Variants in RPGRIP1 observed in about 807,000 individuals in gnomAD.
The protein encoded by RPGRIP1 is RPGR interacting protein 1.
A neutral mutation model predicts 157.9 loss-of-function variants in RPGRIP1; 128 were observed. That is an observed-to-expected ratio of 0.81 (90% CI 0.70 to 0.94). The LOEUF is 0.94. RPGRIP1 is among the 40% of genes least tolerant of loss of function. The probability of loss-of-function intolerance (pLI) is 0.00; values close to 1 mark genes in which losing one functional copy is unlikely to be tolerated. For missense variants in RPGRIP1, 1,486 were observed against 1,545.8 expected, an observed-to-expected ratio of 0.96 and a Z score of 0.65; for synonymous variants, 554 against 571.6, an observed-to-expected ratio of 0.97 and a Z score of 0.44.
chr14:21,283,402 A>C (rs1880199911), intron 1 of RPGRIP1, among the ~76,000 whole-genome samples: 1 of 151,684 alleles, frequency 6.6e-6, no homozygotes, highest in African/African-American at 2.4e-5. Flanking sequence ...TCCTGTGCTC[A>C]AGCGATTCTC....
intron 15 of RPGRIP1, 31 bp downstream of exon 15, chr14:21,325,101 A>G: frequency 2.5e-6 from 4 of 1,576,138 alleles, no homozygotes; most frequent in Non-Finnish European, 3.5e-6. Context: ...GCGGCTCCTA[A>G]GCACCAATGC....
intron 13 of RPGRIP1, 92 bp from the exon 14 acceptor site, chr14:21,321,762 G>A (rs1882499020): frequency 3.2e-6 from 4 of 1,238,504 alleles, no homozygotes; most frequent in Non-Finnish European, 4.5e-6. Context: ...GCTAAGGATA[G>A]CAGTCTTCTT....
At chr14:21,292,451 T>A (rs960553390) in intron 2 of RPGRIP1, among the ~76,000 whole-genome samples, 1 of 152,216 alleles carries the variant, frequency 6.6e-6, no homozygotes, top group Admixed American at 6.5e-5. Context: ...ATCTAGCCAG[T>A]GACTCATGCC....
At chr14:21,300,071 G>A (rs976362602) in intron 3 of RPGRIP1, among the ~76,000 whole-genome samples, 9 of 152,194 alleles carry the variant, frequency 5.9e-5, no homozygotes, top group Admixed American at 2.0e-4. Flanking sequence ...CAAGGCGGGC[G>A]AATCACTTAA....
At chr14:21,304,992 C>T (rs1423872517) in intron 6 of RPGRIP1, among the ~76,000 whole-genome samples, 11 of 151,996 alleles carry the variant, frequency 7.2e-5, no homozygotes, top group African/African-American at 2.4e-4. Flanking sequence ...TTAGTAGAGA[C>T]GGGGTTTCAC....
At chr14:21,302,695 G>A in intron 5 of RPGRIP1, 111 bp downstream of exon 5, 1 of 665,322 alleles carries the variant, frequency 1.5e-6, no homozygotes, top group South Asian at 3.3e-5. Flanking sequence ...GCATGATCAG[G>A]GAAGATGAAA....
intron 10 of RPGRIP1, among the ~76,000 whole-genome samples, chr14:21,315,766 T>A (rs1881760856): frequency 6.6e-6 from 1 of 151,890 alleles, no homozygotes; most frequent in Non-Finnish European, 1.5e-5. Context: ...CCAAGAAATG[T>A]TAATACTTGC....
At position 21,343,866 on chromosome 14, in the gene RPGRIP1, GTTTTTTTTTTTTTTTTTTTTTT is replaced by G. The variant is rs67535379; in HGVS notation, c.3532+658_3532+679del. 1.0e-2 allele frequency among the ~76,000 whole-genome samples: 502 copies of G among 50,396 alleles called. 1 individual carries two copies. The highest frequency in any genetic ancestry group is 0.014 in the Non-Finnish European group (377 of 27,736). 33.1% of individuals were successfully genotyped at this position (50,396 alleles called of 152,430 possible). The stretch of plus-strand genomic sequence containing the variant: ...TGATTTTTGTTCTTCCTCTTTTCCT[GTTTTTTTTTTTTTTTTTTTTTT>G]TTTTTTTTTTTTTTTTTTTGAGATG... On this transcript the variant is annotated intron_variant, in intron 22 of 24. Transcript: ENST00000400017.
At chr14:21,296,425 G>A (rs1276337747) in intron 3 of RPGRIP1, among the ~76,000 whole-genome samples, 3 of 151,428 alleles carry the variant, frequency 2.0e-5, no homozygotes, top group Middle Eastern at 3.4e-3. Flanking sequence ...TGTTGGCCAC[G>A]GTAGTCTCAA....
intron 1 of RPGRIP1, among the ~76,000 whole-genome samples, chr14:21,282,988 G>A (rs7146164): frequency 0.87 from 132,684 of 152,168 alleles, 58,392 homozygotes; most frequent in East Asian, 1. Flanking sequence ...AGTCTCAACT[G>A]GCTTTTCTTC....
chr14:21,311,763 C>G (rs759527538), intron 8 of RPGRIP1, 61 bp from the exon 9 acceptor site: 1 of 1,431,192 alleles, frequency 7.0e-7, no homozygotes, highest in South Asian at 1.4e-5. Context: ...TTGCTGGTGT[C>G]TGGAGACCAC....
At chr14:21,292,289 T>C (rs1880562591) in intron 2 of RPGRIP1, among the ~76,000 whole-genome samples, 1 of 151,938 alleles carries the variant, frequency 6.6e-6, no homozygotes, top group Non-Finnish European at 1.5e-5. Flanking sequence ...CTAGCAACAT[T>C]ATTTTGCAGG....
rs138999661 is a variant in RPGRIP1, at chr14:21,298,565, T to A, written c.219-2401T>A. The stretch of plus-strand genomic sequence containing the variant: ...TTCAAACAACACTGAGGACCAGTTG[T>A]GTCAGACCAGTTTCCTAATGTCAAG... On this transcript the variant is annotated intron_variant, in intron 3 of 24. Transcript: ENST00000400017. Among the ~76,000 whole-genome samples the A allele has an allele frequency of 1.9e-3, 294 of 152,140 alleles. 1 individual carries two copies. Among genetic ancestry groups the A allele is most frequent in the Middle Eastern group, 0.014 (4 of 294 alleles).
At chr14:21,321,495 G>T in intron 13 of RPGRIP1, 93 bp downstream of exon 13, 1 of 1,520,156 alleles carries the variant, frequency 6.6e-7, no homozygotes, top group South Asian at 1.4e-5. Flanking sequence ...AAGTTTCCAG[G>T]GCTGATACCA....
chr14:21,322,165 T>C (rs2139213660), intron 14 of RPGRIP1, among the ~76,000 whole-genome samples, 161 bp downstream of exon 14: 1 of 152,220 alleles, frequency 6.6e-6, no homozygotes, highest in East Asian at 1.9e-4. Context: ...TTTTTTTGCT[T>C]GTTTGCTTTT....
At chr14:21,285,562 G>A (rs1247993240) in intron 1 of RPGRIP1, among the ~76,000 whole-genome samples, 4 of 149,476 alleles carry the variant, frequency 2.7e-5, no homozygotes, top group Admixed American at 6.7e-5. Context: ...CTGAGATCGC[G>A]CCACTGCACT....
rs370767680 is a variant in RPGRIP1, at chr14:21,351,260, T to C, written c.*44T>C. On this transcript the variant is annotated 3_prime_UTR_variant, in exon 25 of 25. Transcript: ENST00000400017. ...AATCTAAAAGTCTCTGAGGGAACCA[T>C]AGTAAAAAGTCTCTTATAAAGTTAG... The C allele has an allele frequency of 4.1e-5, 50 of 1,220,092 alleles. No homozygotes were observed. The highest frequency in any genetic ancestry group is 5.2e-5 in the Non-Finnish European group (44 of 841,292). The allele number at this position is 1,220,092 out of a possible 1,614,324, so 75.6% of individuals were successfully genotyped here. A position where few individuals can be genotyped will look rare whatever the true frequency, so the allele number is the denominator to read the frequency against.
intron 2 of RPGRIP1, among the ~76,000 whole-genome samples, chr14:21,289,495 A>G (rs1880434835): frequency 6.6e-6 from 1 of 152,100 alleles, no homozygotes; most frequent in Non-Finnish European, 1.5e-5. Context: ...AAAAAAAGGT[A>G]TTTTTGTAAT....
intron 1 of RPGRIP1, among the ~76,000 whole-genome samples, chr14:21,284,402 ACTGGTAAGAGAAATTACAATTC>A (rs11270524): frequency 0.012 from 1,848 of 152,236 alleles, 14 homozygotes; most frequent in Middle Eastern, 0.041. Flanking sequence ...AAACAATCAG[ACTGGTAAGAGAAATTACAATTC>A]CTCTTTGGGA....
Sources: gnomAD v4.1 joint callset for allele counts (sites outside exome capture counted in the v4.1 genomes callset) on GRCh38, gnomAD v4.1.1 for gene constraint, MANE v1.5 for transcripts, NCBI Gene and HGNC (gene_info 2026-07-23, HGNC 2026-07-21) for gene names.